Variants in BNIP2 observed in about 807,000 individuals in gnomAD.
BNIP2 encodes the protein BCL2/adenovirus E1B 19 kDa protein-interacting protein 2.
Under a neutral mutation model 43.4 loss-of-function variants are expected in BNIP2, and 36 were observed. That is an observed-to-expected ratio of 0.83 (90% confidence interval 0.64 to 1.10). The LOEUF is 1.10. BNIP2 is among the 50% of genes least tolerant of loss of function. BNIP2 has a pLI of 0.00. For synonymous variants in BNIP2, 146 were observed against 121.0 expected, an observed-to-expected ratio of 1.21 and a Z score of -1.35; for missense variants, 417 against 374.1, an observed-to-expected ratio of 1.11 and a Z score of -0.95.
chr15:59,667,157 T>C (rs1230908962), intron 9 of BNIP2, among the ~76,000 whole-genome samples: 1 of 152,224 alleles, frequency 6.6e-6, no homozygotes, highest in Non-Finnish European at 1.5e-5. Flanking sequence ...TTGGTTAAAC[T>C]GTGAAGTGTC....
Position 59,667,069 on chromosome 15 carries a change from G to A in BNIP2, c.893+1823C>T, listed in dbSNP as rs150306008. ...TTTTAATTTCAGCCACTTGTCTGTCGAATGCACAGCAATGCCTAGAAAGGA... is the reference window on the plus strand; with the variant it reads ...TTTTAATTTCAGCCACTTGTCTGTCAAATGCACAGCAATGCCTAGAAAGGA... On this transcript the variant is annotated intron_variant, in intron 9 of 9. Coordinates refer to ENST00000607373, the MANE Select transcript of BNIP2 (RefSeq NM_004330.4). Among the ~76,000 whole-genome samples, 338 of 152,252 alleles carry A rather than the reference G, an allele frequency of 2.2e-3. 9 individuals are homozygous for A. In the East Asian group the frequency reaches 0.056, roughly 25 times the overall value.
In BNIP2 at chr15:59,663,799, A is replaced by C. The variant is rs1448750628; in HGVS notation, c.*270T>G. 3.6e-6 allele frequency: 1 copy of C among 278,598 alleles called. No individual in the cohort carries two copies. Among genetic ancestry groups the C allele is most frequent in the Non-Finnish European group, 6.6e-6 (1 of 151,728 alleles). The allele number at this position is 278,598 out of a possible 1,614,324, so 17.3% of individuals were successfully genotyped here. A position where few individuals can be genotyped will look rare whatever the true frequency, so the allele number is the denominator to read the frequency against. The stretch of plus-strand genomic sequence containing the variant: ...CATTCAATAAACAAATGCAAAAACT[A>C]CTTTATATAAAGTGTGGTTCTCTAT... On this transcript the variant is annotated 3_prime_UTR_variant, in exon 10 of 10. Transcript: ENST00000607373.
In BNIP2 at chr15:59,679,667, A is replaced by C. The variant is rs779084018; in HGVS notation, c.220T>G (p.Leu74Val). 5.6e-6 allele frequency: 9 copies of C among 1,612,866 alleles called. No homozygotes were observed. In the Admixed American group the frequency reaches 1.2e-4, roughly 21 times the overall value. ...PSDGSVLSDDLDESGEIDLDG... is the reference protein window; with the variant it reads ...PSDGSVLSDDVDESGEIDLDG... ...AAGTCAATCTCCCCACTTTCATCCA[A>C]ATCATCTGACAATACAGAGCCATCA... The change falls in exon 4 of 10, where the codon TTG becomes GTG. Residue 74 changes from leucine to valine, a missense_variant. By Grantham distance (32) the Leu-to-Val change is conservative. Transcript: ENST00000607373.
chr15:59,681,977 C>T (rs750933341), intron 2 of BNIP2, among the ~76,000 whole-genome samples: 2 of 138,482 alleles, frequency 1.4e-5, no homozygotes, highest in Non-Finnish European at 3.2e-5. Flanking sequence ...ATCAATCTAA[C>T]TGTTCCGAAG....
intron 1 of BNIP2, among the ~76,000 whole-genome samples, chr15:59,684,248 A>G (rs1347805416): frequency 5.3e-5 from 8 of 152,212 alleles, no homozygotes; most frequent in African/African-American, 1.2e-4. Context: ...GTTACCACAG[A>G]AAAAAAATGG....
At chr15:59,678,656 A>G in intron 4 of BNIP2, 2 of 1,180,368 alleles carry the variant, frequency 1.7e-6, no homozygotes, top group South Asian at 3.3e-5. Flanking sequence ...CATAAGCACC[A>G]ATGATTAAGT....
At chr15:59,670,860 G>A (rs1892854787) in intron 7 of BNIP2, among the ~76,000 whole-genome samples, 1 of 152,182 alleles carries the variant, frequency 6.6e-6, no homozygotes, top group Middle Eastern at 3.4e-3. Context: ...GATCACCTAA[G>A]GTCAGGAGTT....
rs1892280680 is a variant in BNIP2 at position 59,661,652 on chromosome 15, C to T, written c.*2417G>A. 2 of 152,138 alleles carry T rather than the reference C, an allele frequency of 1.3e-5. No homozygotes were observed. The highest frequency in any genetic ancestry group is 2.9e-5 in the Non-Finnish European group (2 of 68,020). The allele number at this position is 152,138 out of a possible 1,614,324, so 9.4% of individuals were successfully genotyped here. On this transcript the variant is annotated 3_prime_UTR_variant, in exon 10 of 10. Coordinates refer to ENST00000607373, the MANE Select transcript of BNIP2 (RefSeq NM_004330.4). ...GGCACTTAGAGCCTAGTGACAGAAG[C>T]ATCAAATTAAGCCAGTTAAATTAGA...
intron 9 of BNIP2, 152 bp downstream of exon 9, chr15:59,668,740 T>C: frequency 1.8e-6 from 1 of 544,292 alleles, no homozygotes; most frequent in Non-Finnish European, 2.9e-6. Flanking sequence ...AAATGGCTTC[T>C]TCCTCTTTTT....
At position 59,663,095 on chromosome 15, in the gene BNIP2, G is replaced by A. The variant is rs559964711; in HGVS notation, c.*974C>T. On this transcript the variant is annotated 3_prime_UTR_variant, in exon 10 of 10. Transcript: ENST00000607373. ...CAAATAATTGATATGGAAGTATTTT[G>A]GTAAAGTGCCCATAGTGAGAGTTTA... 5.2e-5 allele frequency: 8 copies of A among 152,686 alleles called. No individual in the cohort carries two copies. The highest frequency in any genetic ancestry group is 1.9e-4 in the African/African-American group (8 of 41,552). The allele number at this position is 152,686 out of a possible 1,614,324, so 9.5% of individuals were successfully genotyped here.
chr15:59,687,342 T>A (rs1894085231), intron 1 of BNIP2, among the ~76,000 whole-genome samples: 1 of 141,996 alleles, frequency 7.0e-6, no homozygotes, highest in Admixed American at 7.5e-5. Context: ...TAACATGACA[T>A]CTTTTCATCC....
intron 5 of BNIP2, 164 bp downstream of exon 5, chr15:59,677,747 G>A: frequency 8.6e-7 from 1 of 1,164,812 alleles, no homozygotes; most frequent in Non-Finnish European, 1.1e-6. Context: ...AGCCCTCCAG[G>A]AACTGGTTAG....
Position 59,664,110 on chromosome 15 carries a change from C to G in BNIP2, c.904G>C (p.Glu302Gln), listed in dbSNP as rs764525046. The G allele has an allele frequency of 6.5e-7, 1 of 1,543,516 alleles. No homozygotes were observed. Among genetic ancestry groups the G allele is most frequent in the Non-Finnish European group, 8.8e-7 (1 of 1,140,948 alleles). ...IPECIKQVDQ[E>Q]LNGKQDEPKN... ...GGTTCATCTTGTTTTCCATTAAGTT[C>G]TTGATCAACTCTGTTTAATGAAGAA... Residue 302 changes from glutamate to glutamine, a missense_variant, in exon 10 of 10, where the codon GAA (glutamate) becomes CAA (glutamine). Coordinates refer to ENST00000607373, the MANE Select transcript of BNIP2 (RefSeq NM_004330.4).
intron 1 of BNIP2, among the ~76,000 whole-genome samples, chr15:59,684,609 A>G (rs1356695197): frequency 6.6e-6 from 1 of 152,206 alleles, no homozygotes; most frequent in African/African-American, 2.4e-5. Flanking sequence ...AAAACTGGTA[A>G]GTCTTTTCTA....
Position 59,659,430 on chromosome 15 carries a change from A to T in BNIP2, c.*4639T>A, listed in dbSNP as rs1892134566. On this transcript the variant is annotated 3_prime_UTR_variant, in exon 10 of 10. Transcript: ENST00000607373. ...AAATGACAGCAATGAACCTGTGGTAACAAAAGTATTTTTGGAATAGATATC... is the reference window on the plus strand; with the variant it reads ...AAATGACAGCAATGAACCTGTGGTATCAAAAGTATTTTTGGAATAGATATC... The T allele has an allele frequency of 6.6e-6, 1 of 152,238 alleles. No individual in the cohort carries two copies. Among genetic ancestry groups the T allele is most frequent in the Non-Finnish European group, 1.5e-5 (1 of 68,040 alleles). 9.4% of individuals were successfully genotyped at this position (152,238 alleles called of 1,614,324 possible).
At chr15:59,669,870 C>T (rs1405506883) in intron 7 of BNIP2, among the ~76,000 whole-genome samples, 1 of 152,174 alleles carries the variant, frequency 6.6e-6, no homozygotes, top group Non-Finnish European at 1.5e-5. Context: ...CTAGACTTCT[C>T]CTTTTTAAAT....
chr15:59,671,285 A>T lies in BNIP2; in HGVS notation c.605T>A (p.Val202Glu). The part of the protein sequence containing the change: ...KYVIGTLELL[V>E]AENYMIVYLN... Reference sequence around the variant, plus strand: ...ATAAACTATCATGTAGTTTTCTGCTACTAATAGCTCCAAAGTGCCAATAAC... The same window carrying T: ...ATAAACTATCATGTAGTTTTCTGCTTCTAATAGCTCCAAAGTGCCAATAAC... Residue 202 changes from valine to glutamate, a missense_variant, in exon 7 of 10, where the codon GTA (valine) becomes GAA (glutamate). Transcript: ENST00000607373. 1 of 1,594,886 alleles carries T rather than the reference A, an allele frequency of 6.3e-7. No individual in the cohort carries two copies. The highest frequency in any genetic ancestry group is 1.7e-4 in the Middle Eastern group (1 of 6,016).
intron 1 of BNIP2, among the ~76,000 whole-genome samples, chr15:59,684,715 C>T (rs1027682584): frequency 6.6e-6 from 1 of 152,166 alleles, no homozygotes; most frequent in African/African-American, 2.4e-5. Flanking sequence ...ATTCAATAAT[C>T]AGAAAAGCTT....
chr15:59,667,137 T>C (rs993172422), intron 9 of BNIP2, among the ~76,000 whole-genome samples: 8 of 152,348 alleles, frequency 5.3e-5, no homozygotes, highest in African/African-American at 1.9e-4. Flanking sequence ...TACATTTCTA[T>C]GTTAAAGTGT....
Sources: gnomAD v4.1 joint callset for allele counts (sites outside exome capture counted in the v4.1 genomes callset) on GRCh38, gnomAD v4.1.1 for gene constraint, MANE v1.5 for transcripts, NCBI Gene and HGNC (gene_info 2026-07-23, HGNC 2026-07-21) for gene names.